CACNA1C: variants seen among roughly 807,000 people sequenced by gnomAD.
The protein encoded by CACNA1C is voltage-dependent L-type calcium channel subunit alpha-1C.
Under a neutral mutation model 229.0 loss-of-function variants are expected in CACNA1C, and 30 were observed. The ratio of observed to expected loss-of-function variants is 0.13; its 90% CI spans 0.10 to 0.18. CACNA1C has a LOEUF of 0.18. Ranked by LOEUF, CACNA1C falls within the 10% of genes least tolerant of loss-of-function variation. CACNA1C has a pLI of 1.00. For synonymous variants in CACNA1C, 1,114 were observed against 1,132.5 expected, an observed-to-expected ratio of 0.98 and a Z score of 0.33; for missense variants, 1,658 against 2,845.0, an observed-to-expected ratio of 0.58 and a Z score of 9.49.
At chr12:2,489,345 T>C (rs1015563424) in intron 6 of CACNA1C, among the ~76,000 whole-genome samples, 19 of 152,240 alleles carry the variant, frequency 1.2e-4, no homozygotes, top group African/African-American at 4.6e-4. Flanking sequence ...AAGAAAGTTA[T>C]GGAATTGTCC....
At chr12:2,615,414 T>C (rs1209656853) in intron 29 of CACNA1C, among the ~76,000 whole-genome samples, 1 of 152,108 alleles carries the variant, frequency 6.6e-6, no homozygotes, top group East Asian at 1.9e-4. Flanking sequence ...ACAGAGAAAA[T>C]GATAAAATTG....
At chr12:2,609,775 T>C (rs961101300) in intron 27 of CACNA1C, among the ~76,000 whole-genome samples, 1 of 151,976 alleles carries the variant, frequency 6.6e-6, no homozygotes, top group Admixed American at 6.6e-5. Context: ...CAGAATCTCC[T>C]TCCCTCTCAG....
At chr12:2,150,933 C>G (rs1021615468) in intron 3 of CACNA1C, among the ~76,000 whole-genome samples, 1 of 152,238 alleles carries the variant, frequency 6.6e-6, no homozygotes, top group Non-Finnish European at 1.5e-5. Context: ...CACTTCTGGG[C>G]AGGTGCCAAG....
intron 31 of CACNA1C, 94 bp downstream of exon 31, chr12:2,648,601 C>CAGGCGGGG: frequency 8.9e-7 from 1 of 1,122,238 alleles, no homozygotes; most frequent in Non-Finnish European, 1.4e-6. Flanking sequence ...CCCTGGGAGC[C>CAGGCGGGG]CTGCCTGGCT....
At chr12:2,686,747 G>A (rs1197192416) in intron 45 of CACNA1C, among the ~76,000 whole-genome samples, 1 of 152,220 alleles carries the variant, frequency 6.6e-6, no homozygotes, top group African/African-American at 2.4e-5. Flanking sequence ...TGACATCCGT[G>A]GGAAGCAGGT....
At chr12:2,124,184 G>A (rs1209782980) in intron 3 of CACNA1C, among the ~76,000 whole-genome samples, 1 of 151,608 alleles carries the variant, frequency 6.6e-6, no homozygotes, top group Admixed American at 6.6e-5. Flanking sequence ...CCAACAGATA[G>A]GCACTATGAT....
rs1001608010 is a variant in CACNA1C, at chr12:2,504,785, C to T, written c.1114-57C>T. The stretch of plus-strand genomic sequence containing the variant: ...CAGTGTCTCGGGAGCCGGGGACCGG[C>T]ACTGGCCGTGCTCGGTTGCTGAGTG... On this transcript the variant is annotated intron_variant, in intron 7 of 46. Coordinates refer to ENST00000399655, the MANE Select transcript of CACNA1C (RefSeq NM_000719.7). This position sits in a 1 kb window ranked among gnomAD's most constrained non-coding sequence, Gnocchi z 6.8. 12 of 1,066,598 alleles carry T rather than the reference C, an allele frequency of 1.1e-5. No homozygotes were observed. Among genetic ancestry groups the T allele is most frequent in the Non-Finnish European group, 1.7e-5 (12 of 688,146 alleles). 66.1% of individuals were successfully genotyped at this position (1,066,598 alleles called of 1,614,324 possible).
chr12:2,055,014 A>G (rs1346771415), intron 1 of CACNA1C, among the ~76,000 whole-genome samples: 1 of 152,132 alleles, frequency 6.6e-6, no homozygotes, highest in African/African-American at 2.4e-5. Context: ...CCTGAAACCG[A>G]TTTTGGGGCC....
intron 1 of CACNA1C, chr12:1,997,935 C>T: frequency 6.2e-7 from 1 of 1,605,704 alleles, no homozygotes; most frequent in Non-Finnish European, 8.5e-7. Context: ...ACACTCTTAC[C>T]TTGTATAAAC....
At chr12:2,089,838 G>T (rs60083375) in intron 1 of CACNA1C, among the ~76,000 whole-genome samples, 9,872 of 151,322 alleles carry the variant, frequency 0.065, 970 homozygotes, top group African/African-American at 0.21. Flanking sequence ...ATCGAGACCA[G>T]CCTGGCCAAC....
chr12:2,639,203 C>T lies in CACNA1C; in HGVS notation c.3912+4823C>T, dbSNP rs2093327934. Among the ~76,000 whole-genome samples the T allele has an allele frequency of 6.6e-6, 1 of 152,226 alleles. No homozygotes were observed. On this transcript the variant is annotated intron_variant, in intron 30 of 46. Transcript: ENST00000399655. This position sits in a 1 kb window ranked among gnomAD's most constrained non-coding sequence, Gnocchi z 4.2. ...CACCTGGGTCTAAATCCGAGCTTTT[C>T]TTCCTCTGTGAGCCGGGGAGGTAAG...
At chr12:1,986,022 C>T (rs763145660) in intron 1 of CACNA1C, among the ~76,000 whole-genome samples, 12 of 152,110 alleles carry the variant, frequency 7.9e-5, no homozygotes, top group Non-Finnish European at 1.8e-4. Flanking sequence ...ACCGTGTTAG[C>T]CAGGATGGTC....
chr12:2,362,055 A>G (rs531536364), intron 3 of CACNA1C, among the ~76,000 whole-genome samples: 7 of 152,346 alleles, frequency 4.6e-5, no homozygotes, highest in African/African-American at 1.7e-4. Flanking sequence ...CATCGTATGT[A>G]TTAGGTGTCT....
intron 13 of CACNA1C, among the ~76,000 whole-genome samples, chr12:2,577,194 T>C (rs978554192): frequency 1.3e-5 from 2 of 152,254 alleles, no homozygotes; most frequent in Admixed American, 6.5e-5. Flanking sequence ...TATCTCTGTC[T>C]GTCTGTCTGT....
intron 2 of CACNA1C, among the ~76,000 whole-genome samples, chr12:2,116,610 G>C (rs1235423845): frequency 3.3e-5 from 5 of 152,038 alleles, no homozygotes; most frequent in Non-Finnish European, 7.4e-5. Flanking sequence ...CTCGTGATCT[G>C]CCTGCCTCGG....
chr12:2,605,281 T>C lies in CACNA1C; in HGVS notation c.3048+113T>C. 2.8e-6 allele frequency: 2 copies of C among 719,296 alleles called. No homozygotes were observed. Among genetic ancestry groups the C allele is most frequent in the Non-Finnish European group, 2.5e-6 (1 of 406,974 alleles). The allele number at this position is 719,296 out of a possible 1,614,324, so 44.6% of individuals were successfully genotyped here. ...TGATGGTCAGACCAAGTGGCTGCCATGTGGGGTCCCGGACACTGGTCCCAC... is the reference window on the plus strand; with the variant it reads ...TGATGGTCAGACCAAGTGGCTGCCACGTGGGGTCCCGGACACTGGTCCCAC... On this transcript the variant is annotated intron_variant, in intron 23 of 46. Coordinates refer to ENST00000399655, the MANE Select transcript of CACNA1C (RefSeq NM_000719.7). This position sits in a 1 kb window ranked among gnomAD's most constrained non-coding sequence, Gnocchi z 6.2.
chr12:2,638,185 A>G (rs1173612466), intron 30 of CACNA1C, among the ~76,000 whole-genome samples: 1 of 152,232 alleles, frequency 6.6e-6, no homozygotes, highest in African/African-American at 2.4e-5. Context: ...GTGTTAGAAG[A>G]TGATAGACGT....
chr12:2,302,597 G>A (rs2094652322), intron 3 of CACNA1C, among the ~76,000 whole-genome samples: 1 of 152,078 alleles, frequency 6.6e-6, no homozygotes, highest in South Asian at 2.1e-4. Context: ...GTGAGCCAGG[G>A]CTTGGGATGG....
At chr12:2,482,651 T>C (rs776641451) in intron 5 of CACNA1C, among the ~76,000 whole-genome samples, 2 of 152,084 alleles carry the variant, frequency 1.3e-5, no homozygotes, top group Non-Finnish European at 2.9e-5. Context: ...AGTGACAGAA[T>C]CCCCAGTCAG....
Sources: allele counts gnomAD v4.1 joint callset (sites outside exome capture counted in the v4.1 genomes callset), GRCh38; gene constraint gnomAD v4.1.1; non-coding constraint Gnocchi (gnomAD v3.1); transcripts MANE v1.5; gene names NCBI Gene and HGNC (gene_info 2026-07-23, HGNC 2026-07-21).